Variants in COL28A1 observed in about 807,000 individuals in gnomAD.
COL28A1 encodes the protein collagen type XXVIII alpha 1 chain.
A neutral mutation model predicts 150.2 loss-of-function variants in COL28A1; 161 were observed. The ratio of observed to expected loss-of-function variants is 1.07; its 90% CI spans 0.94 to 1.22. COL28A1 has a LOEUF of 1.22. Ranked by LOEUF, COL28A1 falls within the 50% of genes most tolerant of loss-of-function variation. The pLI, the probability that COL28A1 is intolerant of heterozygous loss-of-function variation, is 0.00. For missense variants in COL28A1, 1,617 were observed against 1,388.3 expected (o/e 1.16, Z -2.62); for synonymous variants, 552 against 469.7 (o/e 1.18, Z -2.26).
intron 27 of COL28A1, among the ~76,000 whole-genome samples, chr7:7,395,238 G>A (rs918643517): frequency 6.6e-6 from 1 of 152,126 alleles, no homozygotes; most frequent in Non-Finnish European, 1.5e-5. Flanking sequence ...GTTCTGCAGT[G>A]AGCCAAGATC....
At chr7:7,355,492 C>T (rs1780325809), downstream of COL28A1, among the ~76,000 whole-genome samples, 1 of 152,014 alleles carries the variant, frequency 6.6e-6, no homozygotes, top group Non-Finnish European at 1.5e-5. Context: ...CGGCTGTAGT[C>T]CTAGCTACTC....
chr7:7,380,068 G>T (rs1340876841), intron 30 of COL28A1, among the ~76,000 whole-genome samples: 1 of 152,046 alleles, frequency 6.6e-6, no homozygotes, highest in Non-Finnish European at 1.5e-5. Flanking sequence ...CTCAACCCCA[G>T]AAGACAGATT....
intron 4 of COL28A1, among the ~76,000 whole-genome samples, chr7:7,523,421 C>T (rs1472603595): frequency 1.3e-5 from 2 of 151,722 alleles, no homozygotes; most frequent in Non-Finnish European, 2.9e-5. Flanking sequence ...GCCTCCCAAA[C>T]TGCTGGGATT....
At chr7:7,376,336 C>G (rs1453391846) in intron 30 of COL28A1, among the ~76,000 whole-genome samples, 2 of 152,100 alleles carry the variant, frequency 1.3e-5, no homozygotes, top group Non-Finnish European at 2.9e-5. Context: ...TTTTTAAGAA[C>G]AAATCTATAA....
intron 33 of COL28A1, among the ~76,000 whole-genome samples, chr7:7,368,728 A>G (rs948751558): frequency 2.0e-5 from 3 of 152,212 alleles, no homozygotes; most frequent in Non-Finnish European, 4.4e-5. Flanking sequence ...GCAAGCCCTC[A>G]CCAAACACCA....
At chr7:7,405,290 T>C (rs1489960945) in intron 27 of COL28A1, among the ~76,000 whole-genome samples, 1 of 152,168 alleles carries the variant, frequency 6.6e-6, no homozygotes, top group Non-Finnish European at 1.5e-5. Context: ...TTTAAGTATA[T>C]ACATAGCAGG....
chr7:7,421,686 T>C (rs1334534162), intron 25 of COL28A1, among the ~76,000 whole-genome samples: 2 of 152,206 alleles, frequency 1.3e-5, no homozygotes, highest in African/African-American at 2.4e-5. Flanking sequence ...AACTCTAAAA[T>C]ACTTCCAGAT....
At chr7:7,403,771 G>C (rs1583299828) in intron 27 of COL28A1, among the ~76,000 whole-genome samples, 1 of 152,134 alleles carries the variant, frequency 6.6e-6, no homozygotes, top group Non-Finnish European at 1.5e-5. Flanking sequence ...CTACAGTCCA[G>C]ATATAAAATA....
At chr7:7,379,148 G>C (rs1781726689) in intron 30 of COL28A1, among the ~76,000 whole-genome samples, 1 of 152,200 alleles carries the variant, frequency 6.6e-6, no homozygotes, top group East Asian at 1.9e-4. Flanking sequence ...AAGGAGCGCA[G>C]CTGGAGAAGG....
At chr7:7,339,484 C>T in the COL28A1 span, among the ~76,000 whole-genome samples, 1,361 of 152,210 alleles carry the variant, frequency 8.9e-3, 17 homozygotes, top group African/African-American at 0.032. Context: ...AGGCAGAATA[C>T]TGTTCTGACT....
chr7:7,523,709 G>A (rs983622994), intron 4 of COL28A1, among the ~76,000 whole-genome samples: 5 of 152,064 alleles, frequency 3.3e-5, no homozygotes, highest in African/African-American at 1.2e-4. Context: ...GCTAAGGCTC[G>A]TCCAATCTTA....
chr7:7,343,274 G>A, the COL28A1 span, among the ~76,000 whole-genome samples: 2 of 151,940 alleles, frequency 1.3e-5, no homozygotes, highest in South Asian at 2.1e-4. Context: ...ATTTCACATG[G>A]TATCACCTTT....
At chr7:7,421,943 A>G (rs931976191) in intron 25 of COL28A1, among the ~76,000 whole-genome samples, 1 of 152,158 alleles carries the variant, frequency 6.6e-6, no homozygotes, top group Non-Finnish European at 1.5e-5. Context: ...GCCAGCTGAA[A>G]GGATCACTCC....
At chr7:7,478,845 CCCG>C (rs937521860) in intron 13 of COL28A1, among the ~76,000 whole-genome samples, 15 of 152,368 alleles carry the variant, frequency 9.8e-5, no homozygotes, top group Admixed American at 3.3e-4. Flanking sequence ...AAGTGCGGGG[CCCG>C]CCAAGCCCAT....
intron 8 of COL28A1, among the ~76,000 whole-genome samples, chr7:7,513,565 A>G (rs1781264655): frequency 6.6e-6 from 1 of 152,250 alleles, no homozygotes; most frequent in Non-Finnish European, 1.5e-5. Flanking sequence ...GCTTTCACTT[A>G]GAACAAGTTG....
intron 13 of COL28A1, among the ~76,000 whole-genome samples, chr7:7,482,632 G>C (rs1779400886): frequency 6.6e-6 from 1 of 151,630 alleles, no homozygotes; most frequent in Non-Finnish European, 1.5e-5. Flanking sequence ...TATGATTTTA[G>C]TTCCCAATTA....
At position 7,373,792 on chromosome 7, in the gene COL28A1, G is replaced by A. The variant is rs1781371483; in HGVS notation, c.2360-246C>T. Among the ~76,000 whole-genome samples, 1 of 151,056 alleles carries A rather than the reference G, an allele frequency of 6.6e-6. No individual in the cohort carries two copies. The highest frequency in any genetic ancestry group is 2.4e-5 in the African/African-American group (1 of 41,078). ...CGGCTCACTGCAGGCTCCGTCCCCT[G>A]GGATTCACGCCATTCTCCAGCCTCA... On this transcript the variant is annotated intron_variant, in intron 31 of 34. Coordinates refer to ENST00000399429, the MANE Select transcript of COL28A1 (RefSeq NM_001037763.3). This position sits in a 1 kb window ranked among gnomAD's most constrained non-coding sequence, Gnocchi z 4.1.
chr7:7,389,933 A>T (rs1011809438), intron 27 of COL28A1, among the ~76,000 whole-genome samples: 2 of 152,082 alleles, frequency 1.3e-5, no homozygotes, highest in African/African-American at 4.8e-5. Flanking sequence ...CAACCACGTC[A>T]TCTGTAGGGA....
At chr7:7,538,912 T>G (rs982274599), upstream of COL28A1, among the ~76,000 whole-genome samples, 8 of 152,154 alleles carry the variant, frequency 5.3e-5, no homozygotes, top group African/African-American at 1.9e-4. Flanking sequence ...CGTACCTGAT[T>G]TGAAGAAATT....
Sources: gnomAD v4.1 joint callset for allele counts (sites outside exome capture counted in the v4.1 genomes callset) on GRCh38, gnomAD v4.1.1 for gene constraint, Gnocchi (gnomAD v3.1) non-coding constraint, MANE v1.5 for transcripts, NCBI Gene and HGNC (gene_info 2026-07-23, HGNC 2026-07-21) for gene names.